The following FRY variants were observed in gnomAD, a reference collection of about 807,000 sequenced individuals.
FRY encodes the protein FRY microtubule binding protein.
A neutral mutation model predicts 348.4 loss-of-function variants in FRY; 128 were observed. The observed-to-expected ratio is 0.37, with a 90% CI of 0.32 to 0.43. FRY has a LOEUF of 0.43. Among genes scored for constraint, FRY ranks in the 20% least tolerant of loss-of-function variants. The pLI, the probability that FRY is intolerant of heterozygous loss-of-function variation, is 1.00. For synonymous variants in FRY, 1,370 were observed against 1,374.7 expected (o/e 1.00, Z 0.08); for missense variants, 2,736 against 3,695.2 (o/e 0.74, Z 6.73).
At chr13:32,069,279 C>A (rs1421237284) in intron 1 of FRY, among the ~76,000 whole-genome samples, 1 of 152,160 alleles carries the variant, frequency 6.6e-6, no homozygotes, top group Non-Finnish European at 1.5e-5. Flanking sequence ...CTAAAAAGTG[C>A]ATTTTCATTC....
chr13:32,238,361 T>C (rs1179200202), intron 44 of FRY, among the ~76,000 whole-genome samples: 4 of 152,200 alleles, frequency 2.6e-5, no homozygotes, highest in Non-Finnish European at 5.9e-5. Context: ...TTTTTGTTCT[T>C]CTTGGAAATT....
At chr13:32,193,494 G>C (rs1024868753) in intron 28 of FRY, among the ~76,000 whole-genome samples, 3 of 151,648 alleles carry the variant, frequency 2.0e-5, no homozygotes, top group African/African-American at 7.3e-5. Context: ...CTAATACATA[G>C]AGGATACCCT....
At chr13:32,206,344 A>C (rs1379200485) in intron 31 of FRY, among the ~76,000 whole-genome samples, 3 of 152,146 alleles carry the variant, frequency 2.0e-5, no homozygotes, top group African/African-American at 7.2e-5. Context: ...AGAAGGAGAG[A>C]GTGAGCAGTG....
At chr13:32,132,929 C>T (rs1221436706) in intron 8 of FRY, among the ~76,000 whole-genome samples, 1 of 152,002 alleles carries the variant, frequency 6.6e-6, no homozygotes, top group Admixed American at 6.6e-5. Context: ...TGAATGAAAC[C>T]ATACACAAAA....
At chr13:32,279,878 T>C (rs1023840454) in intron 58 of FRY, among the ~76,000 whole-genome samples, 2 of 152,170 alleles carry the variant, frequency 1.3e-5, no homozygotes, top group African/African-American at 4.8e-5. Flanking sequence ...CATGCCAGCA[T>C]TGATTGAGTC....
intron 31 of FRY, among the ~76,000 whole-genome samples, chr13:32,207,610 C>T (rs1884431541): frequency 6.6e-6 from 1 of 152,120 alleles, no homozygotes; most frequent in African/African-American, 2.4e-5. Flanking sequence ...ATACATCAGT[C>T]ACATCCATAA....
intron 2 of FRY, among the ~76,000 whole-genome samples, chr13:32,093,927 G>C (rs1876507091): frequency 6.6e-6 from 1 of 152,202 alleles, no homozygotes; most frequent in South Asian, 2.1e-4. Context: ...ATAGAACAAA[G>C]ACAAATTTTT....
intron 46 of FRY, among the ~76,000 whole-genome samples, chr13:32,242,376 G>A (rs901139163): frequency 6.6e-6 from 1 of 151,742 alleles, no homozygotes; most frequent in Non-Finnish European, 1.5e-5. Flanking sequence ...AAATATTCTT[G>A]TTTTCCTGTA....
At chr13:32,036,197 G>A (rs1210901870) in intron 1 of FRY, among the ~76,000 whole-genome samples, 1 of 152,190 alleles carries the variant, frequency 6.6e-6, no homozygotes, top group Non-Finnish European at 1.5e-5. Flanking sequence ...GGAAAACTAA[G>A]AAGGTTAACT....
intron 4 of FRY, among the ~76,000 whole-genome samples, chr13:32,122,096 A>C (rs1184323291): frequency 6.6e-6 from 1 of 152,140 alleles, no homozygotes; most frequent in Non-Finnish European, 1.5e-5. Context: ...TGTAAACACC[A>C]CATAAACAGA....
intron 57 of FRY, among the ~76,000 whole-genome samples, chr13:32,277,097 A>G (rs186469742): frequency 6.6e-6 from 1 of 152,342 alleles, no homozygotes; most frequent in Admixed American, 6.5e-5. Context: ...TTTCTGACAG[A>G]TGCACAGGTG....
chr13:32,145,404 GAAATTTTGTGGACA>G (rs1171541287), intron 11 of FRY, among the ~76,000 whole-genome samples: 14 of 152,118 alleles, frequency 9.2e-5, no homozygotes, highest in African/African-American at 3.4e-4. Flanking sequence ...AAATTCAAGA[GAAATTTTGTGGACA>G]AAATCTATAA....
intron 3 of FRY, among the ~76,000 whole-genome samples, chr13:32,110,388 C>T (rs1877878560): frequency 1.3e-5 from 2 of 152,074 alleles, no homozygotes; most frequent in African/African-American, 4.8e-5. Context: ...TTCAGATTCT[C>T]CAAAGAAACA....
chr13:32,044,074 GAAAA>G (rs373443621), intron 1 of FRY, among the ~76,000 whole-genome samples: 1 of 150,674 alleles, frequency 6.6e-6, no homozygotes, highest in Non-Finnish European at 1.5e-5. Context: ...ACCAAAAAAA[GAAAA>G]AAAAGGAATA....
intron 2 of FRY, among the ~76,000 whole-genome samples, chr13:32,081,062 T>C (rs908528422): frequency 6.6e-6 from 1 of 152,238 alleles, no homozygotes; most frequent in Non-Finnish European, 1.5e-5. Flanking sequence ...TGCGTGGAGT[T>C]TGTTTTTTCT....
In FRY at chr13:32,101,987, C is replaced by T; in HGVS notation, c.295C>T (p.Gln99Ter). The T allele has an allele frequency of 1.3e-6, 2 of 1,542,668 alleles. No individual in the cohort carries two copies. Among genetic ancestry groups the T allele is most frequent in the Non-Finnish European group, 1.8e-6 (2 of 1,115,018 alleles). The change falls in exon 3 of 61, where the codon CAA becomes TAA. Residue 99 changes from glutamine to a stop codon, truncating the protein, a stop_gained. Coordinates refer to ENST00000542859, the MANE Select transcript of FRY (RefSeq NM_023037.3). LOFTEE classifies it high-confidence loss of function. ...GGAAAAGCCATTGACAAAATCTCTG[C>T]AACGTGGAGAAGACCCCCAATTTGA... is the stretch of plus-strand genomic sequence containing the variant. ...PLEKPLTKSL[Q>*]RGEDPQFDQV... is the part of the protein sequence containing the mutation.
chr13:32,277,155 T>C (rs1888573834), intron 57 of FRY, among the ~76,000 whole-genome samples: 1 of 152,208 alleles, frequency 6.6e-6, no homozygotes, highest in Admixed American at 6.5e-5. Context: ...ATTAATTGTA[T>C]GTAGTATGTA....
chr13:32,079,062 T>A (rs201690345), intron 2 of FRY, 29 bp downstream of exon 2: 1 of 1,443,762 alleles, frequency 6.9e-7, no homozygotes, highest in African/African-American at 1.5e-5. Flanking sequence ...AACTGCCTCT[T>A]TGAAAATTCA....
chr13:32,054,010 CAAT>C (rs1485016736), intron 1 of FRY, among the ~76,000 whole-genome samples: 9 of 152,036 alleles, frequency 5.9e-5, no homozygotes, highest in African/African-American at 1.7e-4. Context: ...AAAAATAAAA[CAAT>C]AAAAGATGCT....
Sources: gnomAD v4.1 joint callset for allele counts (sites outside exome capture counted in the v4.1 genomes callset) on GRCh38, gnomAD v4.1.1 for gene constraint, MANE v1.5 for transcripts, NCBI Gene and HGNC (gene_info 2026-07-23, HGNC 2026-07-21) for gene names.